The following HAGH variants were observed in gnomAD, a reference collection of about 807,000 sequenced individuals.
HAGH encodes hydroxyacylglutathione hydrolase, mitochondrial.
HAGH carries 29 observed loss-of-function variants against 35.1 expected under a neutral mutation model. The observed-to-expected ratio is 0.83, with a 90% CI of 0.62 to 1.13. The LOEUF is 1.13. HAGH is among the 50% of genes most tolerant of loss of function. HAGH has a pLI of 0.00. For synonymous variants in HAGH, 225 were observed against 176.1 expected (o/e 1.28, Z -2.20); for missense variants, 478 against 419.6 (o/e 1.14, Z -1.22).
chr16:1,825,286 C>T (rs1898348346), intron 1 of HAGH, among the ~76,000 whole-genome samples: 1 of 152,176 alleles, frequency 6.6e-6, no homozygotes, highest in Non-Finnish European at 1.5e-5. Context: ...CACTGCACTG[C>T]CCAGGCGAAG....
In HAGH at chr16:1,809,757, A is replaced by G; in HGVS notation, c.824T>C (p.Val275Ala). 6.2e-7 allele frequency: 1 copy of G among 1,610,190 alleles called. No individual in the cohort carries two copies. Among genetic ancestry groups the G allele is most frequent in the Non-Finnish European group, 8.5e-7 (1 of 1,176,620 alleles). ...EEFTYNPFMR[V>A]REKTVQQHAG... ...CACCACCTGCCCTGGGCCTCACCTC[A>G]CTCTCATGAAGGGGTTGTAGGTAAA... The change falls in exon 8 of 9, where the codon GTG (valine) becomes GCG (alanine). Residue 275 changes from valine to alanine, a missense_variant. Transcript: ENST00000397356.
At chr16:1,814,928 T>TACACACACAC (rs758950346) in intron 7 of HAGH, among the ~76,000 whole-genome samples, 2 of 28,124 alleles carry the variant, frequency 7.1e-5, no homozygotes, top group African/African-American at 2.9e-4. Flanking sequence ...TATATATGTA[T>TACACACACAC]ATACACACAC....
intron 1 of HAGH, among the ~76,000 whole-genome samples, chr16:1,824,651 CAACT>C (rs1430393830): frequency 1.3e-5 from 2 of 152,164 alleles, no homozygotes; most frequent in Non-Finnish European, 2.9e-5. Flanking sequence ...CAGCAGCCAC[CAACT>C]GACAGACACA....
At position 1,816,299 on chromosome 16, in the gene HAGH, CCTCTA is replaced by C. The variant is rs986882546; in HGVS notation, c.747+589_747+593del. The stretch of plus-strand genomic sequence containing the variant: ...AGTAAATACTGTAAAATAATGTTAA[CCTCTA>C]CTCTAAGAAATTGAAAAAGATGCTC... On this transcript the variant is annotated intron_variant, in intron 7 of 8. Coordinates refer to ENST00000397356, the MANE Select transcript of HAGH (RefSeq NM_005326.6). 7.5e-4 allele frequency among the ~76,000 whole-genome samples: 113 copies of C among 151,438 alleles called. 1 individual carries two copies. Among genetic ancestry groups the C allele is most frequent in the African/African-American group, 2.6e-3 (108 of 41,316 alleles).
At chr16:1,819,308 C>T (rs1898043393) in intron 4 of HAGH, 85 bp from the exon 5 acceptor site, 1 of 793,136 alleles carries the variant, frequency 1.3e-6, no homozygotes, top group Admixed American at 2.4e-5. Context: ...CTGGGCCCTA[C>T]TGGGCCTCCT....
At chr16:1,816,065 T>C (rs1005837618) in intron 7 of HAGH, among the ~76,000 whole-genome samples, 2 of 146,666 alleles carry the variant, frequency 1.4e-5, no homozygotes, top group African/African-American at 2.5e-5. Context: ...CTCAGCCTCC[T>C]GAGTAGTTGG....
Position 1,809,087 on chromosome 16 carries a change from A to C in HAGH, c.*196T>G. On this transcript the variant is annotated 3_prime_UTR_variant, in exon 9 of 9. Coordinates refer to ENST00000397356, the MANE Select transcript of HAGH (RefSeq NM_005326.6). ...AGAGGCCTAAAGGCCAGAAGAAAAC[A>C]GTCTGCAAGGGGAAGTTATGGGAAT... 7.3e-6 allele frequency: 4 copies of C among 545,542 alleles called. No homozygotes were observed. The East Asian group carries it at 1.2e-4, about 16-fold the overall frequency. 33.8% of individuals were successfully genotyped at this position (545,542 alleles called of 1,614,324 possible).
In HAGH at chr16:1,823,141, GA is replaced by G. The variant is rs1898230982; in HGVS notation, c.77-105del. On this transcript the variant is annotated intron_variant, in intron 1 of 8. Coordinates refer to ENST00000397356, the MANE Select transcript of HAGH (RefSeq NM_005326.6). ...AGCCTTTCTAGGTTCCTTTGAAAAG[GA>G]ATATTCTGGCCAGGTATGGTGGTTC... 14 of 982,326 alleles carry G rather than the reference GA, an allele frequency of 1.4e-5. No homozygotes were observed. In the South Asian group the frequency reaches 2.0e-4, roughly 14 times the overall value. The allele number at this position is 982,326 out of a possible 1,614,324, so 60.9% of individuals were successfully genotyped here.
intron 1 of HAGH, among the ~76,000 whole-genome samples, chr16:1,823,371 C>T (rs146434413): frequency 0.06 from 9,106 of 151,774 alleles, 285 homozygotes; most frequent in East Asian, 0.12. Flanking sequence ...AGGTTCACGC[C>T]GTTCTCCTGT....
chr16:1,819,078 G>T, intron 5 of HAGH, 37 bp downstream of exon 5: 2 of 1,335,284 alleles, frequency 1.5e-6, no homozygotes, highest in Non-Finnish European at 2.2e-6. Flanking sequence ...GGGTCTTCAC[G>T]AAGAACCCCC....
intron 7 of HAGH, chr16:1,810,238 G>C (rs1742445): frequency 0.75 from 137,846 of 183,488 alleles, 52,047 homozygotes; most frequent in Middle Eastern, 0.82. Flanking sequence ...GGTGAGCAGA[G>C]CCCGGCGGGT....
chr16:1,826,650 C>T, intron 1 of HAGH, 62 bp downstream of exon 1: 1 of 963,928 alleles, frequency 1.0e-6, no homozygotes, highest in Non-Finnish European at 1.2e-6. Flanking sequence ...CGGCCCGGCG[C>T]CGCCCGCTGC....
intron 8 of HAGH, 129 bp downstream of exon 8, chr16:1,809,625 C>T (rs1044042747): frequency 1.4e-4 from 103 of 760,682 alleles, no homozygotes; most frequent in Non-Finnish European, 2.2e-4. Context: ...TCGGGCTCTG[C>T]GGCTGCACCT....
Position 1,816,950 on chromosome 16 carries a change from A to G in HAGH, c.690T>C (p.Phe230=). ...CATTGCCGGGCTCCACGTGGCGTGCAAACTTGAGGTTGTTGATGGTGTACT... is the reference window on the plus strand; with the variant it reads ...CATTGCCGGGCTCCACGTGGCGTGCGAACTTGAGGTTGTTGATGGTGTACT... ...GHEYTINNLK[F]ARHVEPGNAA... Residue 230 remains phenylalanine, a synonymous_variant, in exon 7 of 9, where the codon TTT becomes TTC. Transcript: ENST00000397356. 2 of 1,613,948 alleles carry G rather than the reference A, an allele frequency of 1.2e-6. No homozygotes were observed. Among genetic ancestry groups the G allele is most frequent in the Non-Finnish European group, 1.7e-6 (2 of 1,179,864 alleles).
At chr16:1,817,316 T>A in intron 5 of HAGH, 45 bp from the exon 6 acceptor site, 1 of 1,222,360 alleles carries the variant, frequency 8.2e-7, no homozygotes, top group Non-Finnish European at 1.2e-6. Flanking sequence ...TTGAGGCTGG[T>A]GGCTAGGACT....
upstream of HAGH, chr16:1,827,170 C>T: frequency 6.5e-7 from 1 of 1,544,198 alleles, no homozygotes; most frequent in Non-Finnish European, 8.8e-7. Context: ...AGTTGGTCCT[C>T]TCCGGGATGC....
rs748275607 is a variant in HAGH, at chr16:1,809,375, T to TG, written c.834_835insC (p.Thr279HisfsTer8). The TG allele has an allele frequency of 4.3e-6, 7 of 1,610,414 alleles. No individual in the cohort carries two copies. On this transcript the variant is annotated frameshift_variant, in exon 9 of 9. Coordinates refer to ENST00000397356, the MANE Select transcript of HAGH (RefSeq NM_005326.6). LOFTEE classifies it high-confidence loss of function. ...GTCTCACCTGCGTGCTGCTGCACCG[T>TG]CTTCTCCCTGCGGAGGCCAGCACCG... is the stretch of plus-strand genomic sequence containing the variant.
At chr16:1,827,164 G>A (rs559334672), upstream of HAGH, 2 of 1,531,914 alleles carry the variant, frequency 1.3e-6, no homozygotes, top group South Asian at 2.5e-5. Context: ...CGAGGCAGTT[G>A]GTCCTCTCCG....
chr16:1,817,044 A>G (rs757673495), intron 6 of HAGH, 50 bp from the exon 7 acceptor site: 3 of 1,423,628 alleles, frequency 2.1e-6, no homozygotes, highest in Non-Finnish European at 3.0e-6. Flanking sequence ...CCACCTGTGA[A>G]AGTCCTCAGG....
Sources: allele counts gnomAD v4.1 joint callset (sites outside exome capture counted in the v4.1 genomes callset), GRCh38; gene constraint gnomAD v4.1.1; transcripts MANE v1.5; gene names NCBI Gene and HGNC (gene_info 2026-07-23, HGNC 2026-07-21).